Variants in CRACR2A observed in about 807,000 individuals in gnomAD.
CRACR2A encodes the protein EF-hand calcium-binding domain-containing protein 4B.
CRACR2A carries 79 observed loss-of-function variants against 90.5 expected under a neutral mutation model. The ratio of observed to expected loss-of-function variants is 0.87; its 90% CI spans 0.73 to 1.05. CRACR2A has a LOEUF of 1.05. Among genes scored for constraint, CRACR2A ranks in the 50% least tolerant of loss-of-function variants. The pLI is 0.00. For missense variants in CRACR2A, 823 were observed against 897.2 expected (o/e 0.92, Z 1.06); for synonymous variants, 338 against 356.7 (o/e 0.95, Z 0.59).
At chr12:3,628,370 G>A (rs1240594524) in intron 15 of CRACR2A, among the ~76,000 whole-genome samples, 1 of 152,174 alleles carries the variant, frequency 6.6e-6, no homozygotes, top group Non-Finnish European at 1.5e-5. Context: ...AGGAGGAATA[G>A]GAGGAGGAGG....
chr12:3,672,286 A>G (rs1248566480), intron 7 of CRACR2A, among the ~76,000 whole-genome samples: 2 of 152,042 alleles, frequency 1.3e-5, no homozygotes, highest in African/African-American at 4.8e-5. Context: ...ACACATGGTG[A>G]TCTTGCTCAA....
intron 6 of CRACR2A, 130 bp downstream of exon 6, chr12:3,678,785 C>G: frequency 1.0e-6 from 1 of 966,708 alleles, no homozygotes; most frequent in Non-Finnish European, 1.5e-6. Context: ...AACCAGCGGG[C>G]CTTTACCTGC....
At chr12:3,652,063 C>T (rs1362205601) in intron 10 of CRACR2A, among the ~76,000 whole-genome samples, 1 of 152,150 alleles carries the variant, frequency 6.6e-6, no homozygotes, top group Non-Finnish European at 1.5e-5. Flanking sequence ...AGTCATATTT[C>T]TCTCTTCCTC....
chr12:3,621,672 A>AAAAAAAAAAAAAAAAAAAAAAAAAAC (rs1565460356), intron 17 of CRACR2A, among the ~76,000 whole-genome samples: 1 of 145,712 alleles, frequency 6.9e-6, no homozygotes, highest in African/African-American at 2.5e-5. Flanking sequence ...AAAAAAAAAA[A>AAAAAAAAAAAAAAAAAAAAAAAAAAC]AAAAAAAAAC....
At chr12:3,655,137 G>C (rs1591660461) in intron 9 of CRACR2A, among the ~76,000 whole-genome samples, 2 of 152,208 alleles carry the variant, frequency 1.3e-5, no homozygotes, top group East Asian at 1.9e-4. Context: ...GGCCGGCAAG[G>C]GGAGGAAGAA....
intron 15 of CRACR2A, among the ~76,000 whole-genome samples, chr12:3,630,015 C>A (rs536102058): frequency 6.6e-6 from 1 of 152,106 alleles, no homozygotes; most frequent in Non-Finnish European, 1.5e-5. Context: ...CCGTGTTGTG[C>A]GTTCCTGTCT....
rs758562218 is a variant in CRACR2A at position 3,648,534 on chromosome 12, C to T, written c.1118+8G>A. On this transcript the variant is annotated splice_region_variant and intron_variant, in intron 11 of 19. Transcript: ENST00000440314. ...GCTCTCAGCACAGGCCAGTGCCCAC[C>T]GACGCACCTTAGGAAATCCAGCTGC... 7.4e-6 allele frequency: 12 copies of T among 1,614,060 alleles called. No individual in the cohort carries two copies. Among genetic ancestry groups the T allele is most frequent in the South Asian group, 3.3e-5 (3 of 91,076 alleles).
At chr12:3,739,327 A>G (rs1006361813) in intron 1 of CRACR2A, among the ~76,000 whole-genome samples, 1 of 152,214 alleles carries the variant, frequency 6.6e-6, no homozygotes, top group Admixed American at 6.5e-5. Context: ...TTAAAAATTC[A>G]TCTAACAGTG....
intron 6 of CRACR2A, among the ~76,000 whole-genome samples, chr12:3,676,235 A>T (rs1945333340): frequency 6.6e-6 from 1 of 152,094 alleles, no homozygotes; most frequent in East Asian, 1.9e-4. Flanking sequence ...GAGGTAAGGA[A>T]CCTCTCTGTT....
In CRACR2A at chr12:3,676,099, ACCAT is replaced by A. The variant is rs55661360; in HGVS notation, c.525-2511_525-2508del. 2.3e-3 allele frequency among the ~76,000 whole-genome samples: 352 copies of A among 150,990 alleles called. 5 individuals carry two copies. The East Asian group carries it at 0.036, about 16-fold the overall frequency. On this transcript the variant is annotated intron_variant, in intron 6 of 19. Coordinates refer to ENST00000440314, the MANE Select transcript of CRACR2A (RefSeq NM_001144958.2). ...TCCAAACATCCGCGTACTTATTTAG[ACCAT>A]CCATCCATCCATCCATCCACCCACC...
chr12:3,700,416 A>T (rs1945818140), intron 3 of CRACR2A, among the ~76,000 whole-genome samples: 1 of 152,222 alleles, frequency 6.6e-6, no homozygotes. Flanking sequence ...GGGGAAACAC[A>T]GGCACAGCTT....
rs572548807 is a variant in CRACR2A at position 3,616,186 on chromosome 12, C to G, written c.2112-747G>C. On this transcript the variant is annotated intron_variant, in intron 19 of 19. Coordinates refer to ENST00000440314, the MANE Select transcript of CRACR2A (RefSeq NM_001144958.2). Reference sequence around the variant, plus strand: ...TGTTTCCTTGTGATACTCCATAACCCTATAACCTCGCCAATGCATAGAGGA... The same window carrying G: ...TGTTTCCTTGTGATACTCCATAACCGTATAACCTCGCCAATGCATAGAGGA... Among the ~76,000 whole-genome samples the G allele has an allele frequency of 2.0e-5, 3 of 152,356 alleles. 1 individual carries two copies. The South Asian group carries it at 6.2e-4, about 32-fold the overall frequency.
intron 15 of CRACR2A, among the ~76,000 whole-genome samples, chr12:3,632,104 T>A (rs971549208): frequency 1.3e-5 from 2 of 152,182 alleles, no homozygotes; most frequent in African/African-American, 2.4e-5. Context: ...GCTGTCCTCA[T>A]GAAGGAGTTC....
intron 1 of CRACR2A, chr12:3,752,371 GACACACACACAC>G (rs1202160938): frequency 0.016 from 1,210 of 77,148 alleles, 14 homozygotes; most frequent in African/African-American, 0.041. Flanking sequence ...CACACACACA[GACACACACACAC>G]ACGGACACAC....
intron 15 of CRACR2A, among the ~76,000 whole-genome samples, chr12:3,631,820 G>A (rs1944380511): frequency 6.6e-6 from 1 of 152,196 alleles, no homozygotes; most frequent in Admixed American, 6.5e-5. Flanking sequence ...GTTTAGGGTA[G>A]GAGAAAGAAA....
chr12:3,639,943 T>G (rs7134436), intron 13 of CRACR2A, among the ~76,000 whole-genome samples: 84,355 of 152,050 alleles, frequency 0.55, 23,578 homozygotes, highest in Admixed American at 0.65. Context: ...ACTTTTACTC[T>G]GCTTACACAC....
chr12:3,647,781 G>T (rs533898842), intron 11 of CRACR2A, among the ~76,000 whole-genome samples: 10 of 152,292 alleles, frequency 6.6e-5, no homozygotes, highest in African/African-American at 2.4e-4. Context: ...AAAACCACTT[G>T]CACTTCAAAA....
intron 7 of CRACR2A, among the ~76,000 whole-genome samples, chr12:3,671,457 T>C (rs1302403760): frequency 6.6e-6 from 1 of 152,130 alleles, no homozygotes; most frequent in African/African-American, 2.4e-5. Flanking sequence ...AAGCCACACA[T>C]GACTCAAAAC....
At chr12:3,678,822 C>T (rs772942631) in intron 6 of CRACR2A, 93 bp downstream of exon 6, 11 of 1,404,898 alleles carry the variant, frequency 7.8e-6, no homozygotes, top group Non-Finnish European at 1.1e-5. Flanking sequence ...GGGACCAGCA[C>T]CACATGGTTA....
Sources: gnomAD v4.1 joint callset for allele counts (sites outside exome capture counted in the v4.1 genomes callset) on GRCh38, gnomAD v4.1.1 for gene constraint, MANE v1.5 for transcripts, NCBI Gene and HGNC (gene_info 2026-07-23, HGNC 2026-07-21) for gene names.